The following ZNF7 variants were observed in gnomAD, a reference collection of about 807,000 sequenced individuals.
ZNF7 encodes the protein C2-H2 type zinc finger protein.
A neutral mutation model predicts 12.0 loss-of-function variants in ZNF7; 10 were observed. That is an observed-to-expected ratio of 0.83 (90% CI 0.51 to 1.42). The LOEUF (loss-of-function observed/expected upper bound fraction) is 1.42. Among genes scored for constraint, ZNF7 ranks in the 40% most tolerant of loss-of-function variants. The probability of loss-of-function intolerance (pLI) is 0.00; values close to 1 mark genes in which losing one functional copy is unlikely to be tolerated. For synonymous variants in ZNF7, 334 were observed against 295.0 expected (o/e 1.13, Z -1.35); for missense variants, 854 against 837.2 (o/e 1.02, Z -0.25).
chr8:144,835,759 G>C (rs1321472820), intron 3 of ZNF7: 7 of 152,088 alleles, frequency 4.6e-5, no homozygotes, highest in Non-Finnish European at 7.4e-5. Flanking sequence ...TGATGTGTGT[G>C]GTGTTTGTTT....
chr8:144,838,482 T>C, intron 4 of ZNF7: 1 of 263,722 alleles, frequency 3.8e-6, no homozygotes, highest in Non-Finnish European at 7.2e-6. Flanking sequence ...ACAAGGGAGA[T>C]GGGTCTGCGT....
At chr8:144,828,216 C>T (rs1458646409) in intron 1 of ZNF7, among the ~76,000 whole-genome samples, 1 of 152,146 alleles carries the variant, frequency 6.6e-6, no homozygotes, top group East Asian at 1.9e-4. Context: ...TTTTCCCATT[C>T]CGACCTCCCG....
At chr8:144,839,920 G>A (rs1829644283) in intron 4 of ZNF7, among the ~76,000 whole-genome samples, 1 of 152,170 alleles carries the variant, frequency 6.6e-6, no homozygotes, top group Non-Finnish European at 1.5e-5. Context: ...GCTTGGCCCT[G>A]CTCTCTCTGC....
chr8:144,845,830 C>T (rs979441070), downstream of ZNF7: 57 of 735,600 alleles, frequency 7.7e-5, no homozygotes, highest in South Asian at 1.3e-4. Context: ...CTACTCACAC[C>T]GGAACTTCTG....
chr8:144,835,760 GT>G, intron 3 of ZNF7: 1 of 152,184 alleles, frequency 6.6e-6, no homozygotes, highest in East Asian at 1.9e-4. Flanking sequence ...GATGTGTGTG[GT>G]GTTTGTTTGT....
chr8:144,828,861 G>A (rs1348968681), intron 1 of ZNF7, 182 bp from the exon 2 acceptor site: 1 of 711,488 alleles, frequency 1.4e-6, no homozygotes, highest in Non-Finnish European at 2.3e-6. Flanking sequence ...CTCTAAAGAG[G>A]AACAAGAGTT....
At position 144,829,225 on chromosome 8, in the gene ZNF7, A is replaced by G; in HGVS notation, c.3+135A>G. The G allele has an allele frequency of 6.4e-6, 10 of 1,562,188 alleles. 1 individual carries two copies. The South Asian group carries it at 1.0e-4, about 16-fold the overall frequency. On this transcript the variant is annotated intron_variant, in intron 2 of 4. Transcript: ENST00000532777. ...GAAGGCCCCCTTGCCCCCAACCCCA[A>G]GGTAGTGAGCAAACCCCTGCCCAAA... is the stretch of plus-strand genomic sequence containing the variant.
At chr8:144,829,291 G>T in intron 2 of ZNF7, 187 bp from the exon 3 acceptor site, 1 of 1,532,042 alleles carries the variant, frequency 6.5e-7, no homozygotes, top group South Asian at 1.2e-5. Context: ...AGGGTTGTAT[G>T]ACCACCATGG....
rs774206131 is a variant in ZNF7 at position 144,838,053 on chromosome 8, C to G, written c.247+546C>G. The G allele has an allele frequency of 5.8e-6, 4 of 693,726 alleles. No homozygotes were observed. The Middle Eastern group carries it at 6.9e-4, about 119-fold the overall frequency. The allele number at this position is 693,726 out of a possible 1,614,324, so 43.0% of individuals were successfully genotyped here. A position where few individuals can be genotyped will look rare whatever the true frequency, so the allele number is the denominator to read the frequency against. On this transcript the variant is annotated intron_variant, in intron 4 of 4. Coordinates refer to ENST00000532777, the MANE Select transcript of ZNF7 (RefSeq NM_003416.4). ...AAACCGGGGGGTCAGCAAGCAGGGC[C>G]GTGCCCCCCTGTGAAGGCTTTAGGG...
At chr8:144,828,221 C>T (rs1165186880) in intron 1 of ZNF7, among the ~76,000 whole-genome samples, 4 of 152,186 alleles carry the variant, frequency 2.6e-5, no homozygotes, top group Non-Finnish European at 4.4e-5. Context: ...CCATTCCGAC[C>T]TCCCGGGGGA....
rs1829155260 is a variant in ZNF7 at position 144,837,515 on chromosome 8, T to A, written c.247+8T>A. The A allele has an allele frequency of 6.3e-7, 1 of 1,589,426 alleles. No homozygotes were observed. The highest frequency in any genetic ancestry group is 8.6e-7 in the Non-Finnish European group (1 of 1,161,232). On this transcript the variant is annotated splice_region_variant and intron_variant, in intron 4 of 4. Transcript: ENST00000532777. ...CAAGGACCTCCAAGACAGGTGAGGC[T>A]TAGATCCCATCGCAGAGAAGCCCTG...
chr8:144,841,596 C>T lies in ZNF7; in HGVS notation c.489C>T (p.Phe163=). Residue 163 remains phenylalanine, a synonymous_variant, in exon 5 of 5, where the codon TTC becomes TTT. Transcript: ENST00000532777. ...LNEETVVPKT[F]TKDAPQGCKE... ...AGGAGACTGTGGTTCCCAAGACCTT[C>T]ACCAAGGACGCACCCCAGGGATGTA... 1 of 1,614,174 alleles carries T rather than the reference C, an allele frequency of 6.2e-7. No homozygotes were observed. The highest frequency in any genetic ancestry group is 1.3e-5 in the African/African-American group (1 of 75,032).
At chr8:144,830,997 G>A (rs1828389741) in intron 3 of ZNF7, 2 of 456,306 alleles carry the variant, frequency 4.4e-6, no homozygotes, top group Non-Finnish European at 8.8e-6. Flanking sequence ...GGCAACCTGT[G>A]GGCCTGGCCA....
In ZNF7 at chr8:144,841,502, T is replaced by A; in HGVS notation, c.395T>A (p.Leu132Ter). 3 of 1,614,194 alleles carry A rather than the reference T, an allele frequency of 1.9e-6. No individual in the cohort carries two copies. The highest frequency in any genetic ancestry group is 1.7e-6 in the Non-Finnish European group (2 of 1,180,042). ...FGDVSDSEVW[L>*]DSHLGSPGLK... is the part of the protein sequence containing the mutation. ...GACGTTTCTGATTCTGAGGTCTGGT[T>A]AGACAGTCATCTGGGCAGTCCCGGG... The change falls in exon 5 of 5, where the codon TTA becomes TAA. Residue 132 changes from leucine to a stop codon, truncating the protein, a stop_gained. Coordinates refer to ENST00000532777, the MANE Select transcript of ZNF7 (RefSeq NM_003416.4). LOFTEE classifies it low-confidence loss of function (END_TRUNC).
intron 3 of ZNF7, among the ~76,000 whole-genome samples, chr8:144,833,071 G>A (rs770313362): frequency 6.6e-6 from 1 of 151,808 alleles, no homozygotes; most frequent in Non-Finnish European, 1.5e-5. Context: ...GGTGGCTCAC[G>A]CCTGTAATCC....
At chr8:144,838,122 C>A in intron 4 of ZNF7, 1 of 703,008 alleles carries the variant, frequency 1.4e-6, no homozygotes, top group African/African-American at 1.7e-5. Context: ...GGTTTTCTGG[C>A]AGTCCTTGGG....
At chr8:144,846,200 C>T, downstream of ZNF7, 1 of 1,533,602 alleles carries the variant, frequency 6.5e-7, no homozygotes, top group Admixed American at 2.0e-5. Flanking sequence ...TCTGTGCTAA[C>T]CATAATGCTG....
downstream of ZNF7, among the ~76,000 whole-genome samples, chr8:144,845,806 T>C (rs2130756658): frequency 6.6e-6 from 1 of 152,290 alleles, no homozygotes; most frequent in East Asian, 1.9e-4. Context: ...AACTGCCTCT[T>C]CTCCAGCCAT....
Position 144,841,363 on chromosome 8 carries a change from AT to A in ZNF7, c.258del (p.Arg87GlyfsTer14). ...GTTCCTGTTTATTTCAGATTCTACG[AT>A]TAGGACTGAAAATGAGCAGGCCTGT... ...APRTSKTDST[I>X]RTENEQACED... On this transcript the variant is annotated frameshift_variant, in exon 5 of 5. Coordinates refer to ENST00000532777, the MANE Select transcript of ZNF7 (RefSeq NM_003416.4). LOFTEE classifies it low-confidence loss of function (END_TRUNC). The A allele has an allele frequency of 1.2e-6, 2 of 1,603,082 alleles. No homozygotes were observed. The highest frequency in any genetic ancestry group is 1.7e-6 in the Non-Finnish European group (2 of 1,171,802).
Sources: allele counts gnomAD v4.1 joint callset (sites outside exome capture counted in the v4.1 genomes callset), GRCh38; gene constraint gnomAD v4.1.1; transcripts MANE v1.5; gene names NCBI Gene and HGNC (gene_info 2026-07-23, HGNC 2026-07-21).